Variants in DNAH9 observed in about 807,000 individuals in gnomAD.
DNAH9 encodes dynein axonemal heavy chain 9.
DNAH9 carries 345 observed loss-of-function variants against 471.6 expected under a neutral mutation model. The ratio of observed to expected loss-of-function variants is 0.73; its 90% CI spans 0.67 to 0.80. DNAH9 has a LOEUF of 0.80. Ranked by LOEUF, DNAH9 falls within the 30% of genes least tolerant of loss-of-function variation. DNAH9 has a pLI of 0.00. For synonymous variants in DNAH9, 2,093 were observed against 2,123.6 expected, an observed-to-expected ratio of 0.99 and a Z score of 0.40; for missense variants, 5,407 against 5,609.2, an observed-to-expected ratio of 0.96 and a Z score of 1.15.
rs1974452014 is a variant in DNAH9, at chr17:11,929,969, C to T, written c.11981C>T (p.Pro3994Leu). The T allele has an allele frequency of 3.7e-6, 6 of 1,614,010 alleles. No individual in the cohort carries two copies. Among genetic ancestry groups the T allele is most frequent in the Non-Finnish European group, 4.2e-6 (5 of 1,179,966 alleles). ...TTCAGGGTCTTCATGAGTGCAGAGC[C>T]AGCACCCTCCCCTGAGGGCCACATC... Reference protein sequence around the residue: ...PEFRVFMSAEPAPSPEGHIIP... With the variant: ...PEFRVFMSAELAPSPEGHIIP... The change falls in exon 63 of 69, where the codon CCA (proline) becomes CTA (leucine). Residue 3994 changes from proline (P) to leucine (L), a missense_variant. By Grantham distance (98) the Pro-to-Leu change is moderately conservative. Around this residue, in one of 3 missense-constraint regions of DNAH9, gnomAD observed 4,636 missense variants for 4,900.3 expected, o/e 0.95. Coordinates refer to ENST00000262442, the MANE Select transcript of DNAH9 (RefSeq NM_001372.4).
intron 48 of DNAH9, among the ~76,000 whole-genome samples, chr17:11,828,747 C>T (rs978193764): frequency 3.3e-5 from 5 of 152,126 alleles, no homozygotes; most frequent in African/African-American, 7.2e-5. Flanking sequence ...TCATCACTTC[C>T]GAGACCTGAA....
chr17:11,925,089 C>A, intron 62 of DNAH9: 3 of 423,982 alleles, frequency 7.1e-6, no homozygotes, highest in South Asian at 3.4e-5. Context: ...ATTTTGAAAT[C>A]TTCTATTAGA....
intron 49 of DNAH9, among the ~76,000 whole-genome samples, chr17:11,847,152 G>A (rs1318293388): frequency 1.3e-5 from 2 of 152,094 alleles, no homozygotes; most frequent in African/African-American, 4.8e-5. Context: ...CTCCTATTCT[G>A]TAGATTCTCT....
intron 61 of DNAH9, among the ~76,000 whole-genome samples, chr17:11,909,709 C>A (rs992402711): frequency 1.3e-5 from 2 of 152,182 alleles, no homozygotes; most frequent in African/African-American, 4.8e-5. Flanking sequence ...CTGCTGCCCA[C>A]CAAGACTCTC....
At chr17:11,755,722 G>A (rs906262802) in intron 33 of DNAH9, among the ~76,000 whole-genome samples, 3 of 151,768 alleles carry the variant, frequency 2.0e-5, no homozygotes, top group African/African-American at 4.8e-5. Flanking sequence ...GGGTGGTGGT[G>A]GAGAGTGCAT....
intron 6 of DNAH9, among the ~76,000 whole-genome samples, chr17:11,621,882 C>T (rs991731210): frequency 1.3e-5 from 2 of 151,388 alleles, no homozygotes; most frequent in South Asian, 2.1e-4. Flanking sequence ...GAGTTTGAGA[C>T]GAACCTGACC....
At chr17:11,839,378 C>T (rs937672481) in intron 49 of DNAH9, among the ~76,000 whole-genome samples, 6 of 151,590 alleles carry the variant, frequency 4.0e-5, no homozygotes, top group Non-Finnish European at 8.8e-5. Flanking sequence ...TAGCCGGGCA[C>T]GGTGGCAGGC....
chr17:11,666,770 A>G (rs1208944071), intron 15 of DNAH9, among the ~76,000 whole-genome samples: 1 of 152,180 alleles, frequency 6.6e-6, no homozygotes, highest in Non-Finnish European at 1.5e-5. Flanking sequence ...GGAAAATGGT[A>G]AAGCCACAGG....
Position 11,933,769 on chromosome 17 carries a change from C to G in DNAH9, c.12298-111C>G, listed in dbSNP as rs550138233. 6.2e-6 allele frequency: 6 copies of G among 968,248 alleles called. No homozygotes were observed. The South Asian group carries it at 8.2e-5, about 13-fold the overall frequency. The allele number at this position is 968,248 out of a possible 1,614,324, so 60.0% of individuals were successfully genotyped here. A position where few individuals can be genotyped will look rare whatever the true frequency, so the allele number is the denominator to read the frequency against. Reference sequence around the variant, plus strand: ...AAAAATAAGACATTGCTCTCAATCTCAAGAAGCGTCCCTCTCTTGTGGCTT... The same window carrying G: ...AAAAATAAGACATTGCTCTCAATCTGAAGAAGCGTCCCTCTCTTGTGGCTT... On this transcript the variant is annotated intron_variant, in intron 64 of 68. Transcript: ENST00000262442.
At chr17:11,806,788 C>T (rs535200552) in intron 43 of DNAH9, among the ~76,000 whole-genome samples, 6 of 152,044 alleles carry the variant, frequency 3.9e-5, no homozygotes, top group East Asian at 1.9e-4. Flanking sequence ...CTGTATTGTA[C>T]GCATTTTGTA....
chr17:11,704,524 C>T (rs2074663637), intron 25 of DNAH9, 82 bp downstream of exon 25: 14 of 1,469,338 alleles, frequency 9.5e-6, no homozygotes, highest in Non-Finnish European at 1.3e-5. Context: ...TATGGGGGCC[C>T]CAGGGTCTGT....
At chr17:11,613,794 A>T (rs1020644666) in intron 4 of DNAH9, among the ~76,000 whole-genome samples, 3 of 152,238 alleles carry the variant, frequency 2.0e-5, no homozygotes, top group Non-Finnish European at 2.9e-5. Context: ...TATGTAGAAC[A>T]CATACAAAGG....
At chr17:11,967,127 C>G (rs1976801868) in intron 68 of DNAH9, among the ~76,000 whole-genome samples, 1 of 149,692 alleles carries the variant, frequency 6.7e-6, no homozygotes. Flanking sequence ...TTTTTTAAGA[C>G]TAGGTGACTA....
chr17:11,745,785 G>A (rs978457531), intron 31 of DNAH9, among the ~76,000 whole-genome samples: 1 of 152,188 alleles, frequency 6.6e-6, no homozygotes, highest in African/African-American at 2.4e-5. Flanking sequence ...ATCATCTATG[G>A]CATTCAAAAT....
chr17:11,702,176 G>A (rs945515628), intron 24 of DNAH9, among the ~76,000 whole-genome samples: 12 of 152,240 alleles, frequency 7.9e-5, no homozygotes, highest in African/African-American at 2.7e-4. Context: ...GTGAGCAGGT[G>A]TGTCTGAGCC....
At chr17:11,933,777 G>A (rs777051532) in intron 64 of DNAH9, 103 bp from the exon 65 acceptor site, 17 of 1,016,872 alleles carry the variant, frequency 1.7e-5, no homozygotes, top group African/African-American at 1.1e-4. Context: ...CTCAAGAAGC[G>A]TCCCTCTCTT....
In DNAH9 at chr17:11,880,154, C is replaced by A. The variant is rs148325223; in HGVS notation, c.10555C>A (p.Pro3519Thr). 14,735 of 1,613,954 alleles carry A rather than the reference C, an allele frequency of 9.1e-3. 93 individuals are homozygous for A. Among genetic ancestry groups the A allele is most frequent in the Non-Finnish European group, 0.011 (12,865 of 1,179,936 alleles). The change falls in exon 54 of 69, where the codon CCT (proline) becomes ACT (threonine). Residue 3519 changes from proline (P) to threonine (T), a missense_variant. By Grantham distance (38) the Pro-to-Thr change is conservative (BLOSUM62 -1). Around this residue, in one of 3 missense-constraint regions of DNAH9, gnomAD observed 4,636 missense variants for 4,900.3 expected, o/e 0.95. Transcript: ENST00000262442. ...TGAAAATCTAGAGGAGTCCATTGAT[C>A]CTGTTCTGGGACCCCTGCTTGGGAG... Reference protein sequence around the residue: ...LIENLEESIDPVLGPLLGREV... With the variant: ...LIENLEESIDTVLGPLLGREV...
chr17:11,695,220 G>T (rs2074454792), intron 22 of DNAH9, among the ~76,000 whole-genome samples: 1 of 152,012 alleles, frequency 6.6e-6, no homozygotes, highest in South Asian at 2.1e-4. Context: ...CATCAGTATT[G>T]CTGCTCAGCA....
At chr17:11,815,806 A>T (rs1367438511) in intron 45 of DNAH9, among the ~76,000 whole-genome samples, 1 of 151,338 alleles carries the variant, frequency 6.6e-6, no homozygotes, top group Non-Finnish European at 1.5e-5. Context: ...AGAAAAAAGA[A>T]AACAAACAAA....
Sources: allele counts gnomAD v4.1 joint callset (sites outside exome capture counted in the v4.1 genomes callset), GRCh38; gene constraint gnomAD v4.1.1; regional missense constraint gnomAD v4.1.1; transcripts MANE v1.5; gene names NCBI Gene and HGNC (gene_info 2026-07-23, HGNC 2026-07-21).